The following RGS20 variants were observed in gnomAD, a reference collection of about 807,000 sequenced individuals.
RGS20 encodes gz-selective GTPase-activating protein.
RGS20 carries 30 observed loss-of-function variants against 33.6 expected under a neutral mutation model. The ratio of observed to expected loss-of-function variants is 0.89; its 90% CI spans 0.67 to 1.21. The LOEUF is 1.21. RGS20 is among the 50% of genes most tolerant of loss of function. The pLI, the probability that RGS20 is intolerant of heterozygous loss-of-function variation, is 0.00. For synonymous variants in RGS20, 208 were observed against 197.9 expected, an observed-to-expected ratio of 1.05 and a Z score of -0.43; for missense variants, 472 against 502.4, an observed-to-expected ratio of 0.94 and a Z score of 0.58.
intron 1 of RGS20, among the ~76,000 whole-genome samples, chr8:53,874,626 G>A (rs574055079): frequency 6.6e-6 from 1 of 152,268 alleles, no homozygotes; most frequent in Admixed American, 6.5e-5. Flanking sequence ...CAATCTTGAG[G>A]CCAAATTCCT....
At position 53,879,572 on chromosome 8, in the gene RGS20, C is replaced by T; in HGVS notation, c.480C>T (p.Asp160=). Residue 160 remains aspartate (D), a synonymous_variant, in exon 2 of 6, where the codon GAC becomes GAT. Transcript: ENST00000297313. ...CGGTAGCCAAGCCCAGGGAAGAAGACGCCACCGCTGGGCAGAGCTCGCCTA... is the reference window on the plus strand; with the variant it reads ...CGGTAGCCAAGCCCAGGGAAGAAGATGCCACCGCTGGGCAGAGCTCGCCTA... 1.3e-6 allele frequency: 2 copies of T among 1,535,952 alleles called. No homozygotes were observed. Among genetic ancestry groups the T allele is most frequent in the South Asian group, 2.4e-5 (2 of 82,322 alleles).
At position 53,956,643 on chromosome 8, in the gene RGS20, C is replaced by T. The variant is rs147370545; in HGVS notation, c.979-1627C>T. On this transcript the variant is annotated intron_variant, in intron 5 of 5. Coordinates refer to ENST00000297313, the MANE Select transcript of RGS20 (RefSeq NM_170587.4). ...GGGGTCGTTGGCTTACTTAATTTTG[C>T]GTCGTTACGTTTTGCTTTCTTAAGT... Among the ~76,000 whole-genome samples the T allele has an allele frequency of 8.5e-4, 129 of 152,236 alleles. 1 individual carries two copies. Among genetic ancestry groups the T allele is most frequent in the African/African-American group, 2.7e-3 (111 of 41,526 alleles).
intron 2 of RGS20, among the ~76,000 whole-genome samples, chr8:53,882,275 G>A (rs1554518896): frequency 6.6e-6 from 1 of 152,228 alleles, no homozygotes; most frequent in Non-Finnish European, 1.5e-5. Context: ...CACGCTTGTG[G>A]GGGAGTGAGT....
chr8:53,868,918 A>G (rs955507605), intron 1 of RGS20, among the ~76,000 whole-genome samples: 1 of 152,000 alleles, frequency 6.6e-6, no homozygotes, highest in Non-Finnish European at 1.5e-5. Flanking sequence ...ACGCCTGGCT[A>G]ATTTCTGTAT....
chr8:53,878,626 G>A (rs1021028406), intron 1 of RGS20, among the ~76,000 whole-genome samples: 1 of 152,048 alleles, frequency 6.6e-6, no homozygotes, highest in African/African-American at 2.4e-5. Context: ...ACCTACAGCC[G>A]CACTGGCCAG....
At chr8:53,903,671 C>T (rs752530514) in intron 2 of RGS20, among the ~76,000 whole-genome samples, 13 of 152,192 alleles carry the variant, frequency 8.5e-5, no homozygotes, top group Non-Finnish European at 1.8e-4. Flanking sequence ...GCCTTGCCTA[C>T]CCCACCTTTC....
chr8:53,881,191 C>A, intron 2 of RGS20, 107 bp downstream of exon 1: 1 of 813,104 alleles, frequency 1.2e-6, no homozygotes, highest in Non-Finnish European at 1.8e-6. Flanking sequence ...TCGTCCGGAC[C>A]TCAGGGTGTC....
chr8:53,911,924 G>C (rs1387148534), intron 2 of RGS20, among the ~76,000 whole-genome samples: 2 of 152,146 alleles, frequency 1.3e-5, no homozygotes, highest in East Asian at 3.8e-4. Flanking sequence ...TTGGGTGATG[G>C]AGTGAGATTC....
chr8:53,871,033 G>T (rs2129271488), intron 1 of RGS20, among the ~76,000 whole-genome samples: 1 of 145,564 alleles, frequency 6.9e-6, no homozygotes, highest in African/African-American at 2.6e-5. Flanking sequence ...ATTGCTTGAA[G>T]CCGGGTGGCA....
intron 1 of RGS20, among the ~76,000 whole-genome samples, chr8:53,870,982 G>A (rs996956513): frequency 3.3e-5 from 5 of 151,544 alleles, no homozygotes; most frequent in Non-Finnish European, 7.4e-5. Flanking sequence ...GTGGCGGCAG[G>A]AGCCTGTAAC....
chr8:53,926,936 C>T (rs1484817843), intron 2 of RGS20, among the ~76,000 whole-genome samples: 1 of 150,642 alleles, frequency 6.6e-6, no homozygotes, highest in Non-Finnish European at 1.5e-5. Flanking sequence ...AAGAAAGAAC[C>T]TCTCTGAGAT....
At chr8:53,873,509 C>T (rs1812124394) in intron 1 of RGS20, among the ~76,000 whole-genome samples, 1 of 152,164 alleles carries the variant, frequency 6.6e-6, no homozygotes. Flanking sequence ...TTGTGTCTGT[C>T]ATCTTTCACT....
At chr8:53,954,617 T>C (rs973825736) in intron 5 of RGS20, among the ~76,000 whole-genome samples, 1 of 151,434 alleles carries the variant, frequency 6.6e-6, no homozygotes, top group Non-Finnish European at 1.5e-5. Flanking sequence ...TGAGCCGAGA[T>C]TGTGCCATTG....
At chr8:53,876,985 G>A (rs1284089557) in intron 1 of RGS20, among the ~76,000 whole-genome samples, 1 of 152,156 alleles carries the variant, frequency 6.6e-6, no homozygotes, top group African/African-American at 2.4e-5. Context: ...CAAGTGACTT[G>A]GGAAGAAGGA....
At chr8:53,901,027 C>T (rs557892035) in intron 2 of RGS20, among the ~76,000 whole-genome samples, 25 of 151,950 alleles carry the variant, frequency 1.6e-4, no homozygotes, top group Middle Eastern at 6.8e-3. Flanking sequence ...CCTCGGTCTA[C>T]CAACAGCAAC....
At chr8:53,948,072 A>G (rs938884656) in intron 4 of RGS20, among the ~76,000 whole-genome samples, 5 of 135,540 alleles carry the variant, frequency 3.7e-5, no homozygotes, top group Non-Finnish European at 7.6e-5. Context: ...ATATATATTT[A>G]TATATGCTAT....
intron 2 of RGS20, among the ~76,000 whole-genome samples, chr8:53,891,937 T>C (rs1404147538): frequency 6.6e-6 from 1 of 152,056 alleles, no homozygotes; most frequent in African/African-American, 2.4e-5. Context: ...ATGTGCACAA[T>C]GTGCAGGTTA....
intron 1 of RGS20, among the ~76,000 whole-genome samples, chr8:53,866,466 T>C (rs1247502583): frequency 6.6e-6 from 1 of 151,646 alleles, no homozygotes; most frequent in East Asian, 1.9e-4. Flanking sequence ...AACCTCCGCC[T>C]CCCAGGTTCA....
intron 1 of RGS20, among the ~76,000 whole-genome samples, chr8:53,870,332 A>G (rs1222607001): frequency 6.6e-6 from 1 of 152,152 alleles, no homozygotes. Flanking sequence ...GCTAGACTAG[A>G]GTTTGTTTAT....
Sources: gnomAD v4.1 joint callset for allele counts (sites outside exome capture counted in the v4.1 genomes callset) on GRCh38, gnomAD v4.1.1 for gene constraint, MANE v1.5 for transcripts, NCBI Gene and HGNC (gene_info 2026-07-23, HGNC 2026-07-21) for gene names.